The following POLA2 variants were observed in gnomAD, a reference collection of about 807,000 sequenced individuals.
The protein encoded by POLA2 is DNA polymerase alpha subunit B.
Under a neutral mutation model 82.8 loss-of-function variants are expected in POLA2, and 47 were observed. That is an observed-to-expected ratio of 0.57 (90% CI 0.45 to 0.72). The LOEUF (loss-of-function observed/expected upper bound fraction) is 0.72. Ranked by LOEUF, POLA2 falls within the 30% of genes least tolerant of loss-of-function variation. POLA2 has a pLI of 0.00. For synonymous variants in POLA2, 287 were observed against 286.8 expected, an observed-to-expected ratio of 1.00 and a Z score of -0.01; for missense variants, 634 against 728.1, an observed-to-expected ratio of 0.87 and a Z score of 1.49.
At chr11:65,280,603 A>C (rs41544113) in intron 7 of POLA2, 8 of 177,732 alleles carry the variant, frequency 4.5e-5, no homozygotes, top group Admixed American at 2.3e-4. Flanking sequence ...ATTTTAGAAC[A>C]GTGCATGGTA....
Position 65,282,501 on chromosome 11 carries a change from A to C in POLA2, c.986A>C (p.Gln329Pro). 1 of 1,613,728 alleles carries C rather than the reference A, an allele frequency of 6.2e-7. No individual in the cohort carries two copies. The highest frequency in any genetic ancestry group is 8.5e-7 in the Non-Finnish European group (1 of 1,179,672). Reference protein sequence around the residue: ...LYEGVPLPFYQPTEEDADFEQ... With the variant: ...LYEGVPLPFYPPTEEDADFEQ... ...TAGGGTGTGCCACTTCCATTTTATC[A>C]GCCCACTGAAGAGGATGCAGGTGAG... The change falls in exon 10 of 18, where the codon CAG becomes CCG. Residue 329 changes from glutamine (Q) to proline (P), a missense_variant. Coordinates refer to ENST00000265465, the MANE Select transcript of POLA2 (RefSeq NM_002689.4).
At chr11:65,282,211 G>T (rs1949648837) in intron 9 of POLA2, among the ~76,000 whole-genome samples, 1 of 152,146 alleles carries the variant, frequency 6.6e-6, no homozygotes, top group Non-Finnish European at 1.5e-5. Flanking sequence ...CACCTGTTTT[G>T]CTCCCACTTG....
chr11:65,300,707 T>G (rs1949854962), downstream of POLA2, among the ~76,000 whole-genome samples: 1 of 152,170 alleles, frequency 6.6e-6, no homozygotes, highest in South Asian at 2.1e-4. Flanking sequence ...CTCAGCCTCC[T>G]GTGTAGCTGG....
At chr11:65,277,988 G>A (rs954168216) in intron 5 of POLA2, among the ~76,000 whole-genome samples, 3 of 152,288 alleles carry the variant, frequency 2.0e-5, no homozygotes, top group East Asian at 1.9e-4. Flanking sequence ...ACTGGTTCCC[G>A]CAGAGTTTCA....
intron 7 of POLA2, chr11:65,280,640 A>G (rs1416841242): frequency 4.1e-6 from 1 of 242,468 alleles, no homozygotes; most frequent in South Asian, 6.6e-5. Context: ...AATGTTAGCT[A>G]TTATTAAGTA....
At chr11:65,302,407 G>A (rs1305330379), downstream of POLA2, among the ~76,000 whole-genome samples, 1 of 152,126 alleles carries the variant, frequency 6.6e-6, no homozygotes, top group East Asian at 1.9e-4. Flanking sequence ...CTGTTCAACA[G>A]GGTGGGGACC....
chr11:65,289,682 CG>C, intron 12 of POLA2, 116 bp from the exon 13 acceptor site: 1 of 632,816 alleles, frequency 1.6e-6, no homozygotes. Context: ...TTCATCTTTG[CG>C]TCTCCTTCAG....
Position 65,262,384 on chromosome 11 carries a change from C to T in POLA2, c.79+13C>T, listed in dbSNP as rs777731352. The T allele has an allele frequency of 3.7e-6, 6 of 1,603,560 alleles. No individual in the cohort carries two copies. In the East Asian group the frequency reaches 1.1e-4, roughly 30 times the overall value. On this transcript the variant is annotated intron_variant, in intron 1 of 17. Transcript: ENST00000265465. Reference sequence around the variant, plus strand: ...CTAATTGAGAAATGTGAGTCCCGCACCCCTCCCGCCCTGCAGCCGTGCTCC... The same window carrying T: ...CTAATTGAGAAATGTGAGTCCCGCATCCCTCCCGCCCTGCAGCCGTGCTCC...
At position 65,281,614 on chromosome 11, in the gene POLA2, T is replaced by C. The variant is rs115480140; in HGVS notation, c.901-56T>C. 4.3e-4 allele frequency: 532 copies of C among 1,233,346 alleles called. 2 individuals carry two copies. In the African/African-American group the frequency reaches 7.4e-3, roughly 17 times the overall value. 76.4% of individuals were successfully genotyped at this position (1,233,346 alleles called of 1,614,324 possible). ...CTTTTAACTGCCTCAAAATAATGTA[T>C]TCCAGACCTCATTGATCTCCACTGC... On this transcript the variant is annotated intron_variant, in intron 8 of 17. Transcript: ENST00000265465.
chr11:65,302,594 G>A (rs1290636931), downstream of POLA2, among the ~76,000 whole-genome samples: 1 of 152,164 alleles, frequency 6.6e-6, no homozygotes, highest in Non-Finnish European at 1.5e-5. Flanking sequence ...AGGACTCGAG[G>A]CCCCTTCAAA....
intron 4 of POLA2, among the ~76,000 whole-genome samples, chr11:65,270,045 T>G (rs537284555): frequency 1.5e-4 from 23 of 152,360 alleles, no homozygotes; most frequent in Non-Finnish European, 2.6e-4. Context: ...TCAGCCAGGC[T>G]GGTCTCGTAC....
chr11:65,281,237 C>G (rs1359207095), intron 8 of POLA2, 90 bp downstream of exon 8: 2 of 1,335,974 alleles, frequency 1.5e-6, no homozygotes, highest in African/African-American at 2.9e-5. Flanking sequence ...TCCTCAGTTC[C>G]TGTCTCTGCT....
intron 1 of POLA2, among the ~76,000 whole-genome samples, chr11:65,266,311 T>G (rs1949459476): frequency 6.6e-6 from 1 of 152,182 alleles, no homozygotes; most frequent in Non-Finnish European, 1.5e-5. Context: ...TGCCACCACC[T>G]TGATCCAAGC....
intron 4 of POLA2, among the ~76,000 whole-genome samples, chr11:65,270,300 G>A (rs904483879): frequency 6.6e-6 from 1 of 152,260 alleles, no homozygotes; most frequent in East Asian, 1.9e-4. Context: ...GAGGATCAGT[G>A]ACCAGAGATC....
At position 65,295,573 on chromosome 11, in the gene POLA2, A is replaced by T; in HGVS notation, c.1494A>T (p.Ile498=). The part of the protein sequence containing the change: ...SSGTSDRFSR[I]LKHILTQRSY... ...GAACTTCAGACAGATTCAGCCGAATACTCAAGCACATCTTGACCCAGAGGA... is the reference window on the plus strand; with the variant it reads ...GAACTTCAGACAGATTCAGCCGAATTCTCAAGCACATCTTGACCCAGAGGA... The change falls in exon 16 of 18, where the codon ATA becomes ATT. Residue 498 remains isoleucine, a synonymous_variant. Transcript: ENST00000265465. 1 of 1,613,984 alleles carries T rather than the reference A, an allele frequency of 6.2e-7. No individual in the cohort carries two copies. The highest frequency in any genetic ancestry group is 8.5e-7 in the Non-Finnish European group (1 of 1,179,958).
chr11:65,279,503 A>T, intron 6 of POLA2, 35 bp from the exon 7 acceptor site: 1 of 1,386,008 alleles, frequency 7.2e-7, no homozygotes, highest in Non-Finnish European at 1.0e-6. Context: ...GAAATGTCTT[A>T]AACATAATAC....
chr11:65,279,005 G>A, intron 6 of POLA2, 82 bp downstream of exon 6: 2 of 1,267,170 alleles, frequency 1.6e-6, no homozygotes, highest in South Asian at 1.4e-5. Flanking sequence ...AGCTAGGCTG[G>A]TAGAACAAGT....
intron 11 of POLA2, among the ~76,000 whole-genome samples, chr11:65,288,131 C>A (rs1050083125): frequency 6.6e-6 from 1 of 152,032 alleles, no homozygotes; most frequent in African/African-American, 2.4e-5. Context: ...CATGGTGAAA[C>A]CCCATCTCTA....
chr11:65,293,883 T>A (rs994084054), intron 13 of POLA2, among the ~76,000 whole-genome samples: 24 of 152,134 alleles, frequency 1.6e-4, no homozygotes, highest in African/African-American at 5.8e-4. Context: ...GTCTCCATCC[T>A]CTCAGTAGAA....
Sources: gnomAD v4.1 joint callset for allele counts (sites outside exome capture counted in the v4.1 genomes callset) on GRCh38, gnomAD v4.1.1 for gene constraint, MANE v1.5 for transcripts, NCBI Gene and HGNC (gene_info 2026-07-23, HGNC 2026-07-21) for gene names.